Variants in GLYATL1 observed in about 807,000 individuals in gnomAD.
The protein encoded by GLYATL1 is glycine-N-acyltransferase like 1.
Under a neutral mutation model 20.0 loss-of-function variants are expected in GLYATL1, and 15 were observed. The ratio of observed to expected loss-of-function variants is 0.75; its 90% CI spans 0.50 to 1.15. The LOEUF is 1.15. Ranked by LOEUF, GLYATL1 falls within the 50% of genes most tolerant of loss-of-function variation. The pLI is 0.00. For synonymous variants in GLYATL1, 151 were observed against 131.5 expected (o/e 1.15, Z -1.01); for missense variants, 380 against 368.5 (o/e 1.03, Z -0.26).
intron 1 of GLYATL1, among the ~76,000 whole-genome samples, chr11:58,915,990 C>G (rs1162277108): frequency 6.6e-6 from 1 of 152,176 alleles, no homozygotes; most frequent in Non-Finnish European, 1.5e-5. Flanking sequence ...TCTGAATGAG[C>G]CAGATAATTT....
At chr11:58,935,768 A>T (rs1295999962), upstream of GLYATL1, 1 of 151,982 alleles carries the variant, frequency 6.6e-6, no homozygotes, top group African/African-American at 2.4e-5. Flanking sequence ...ATATACACAC[A>T]ATAATAATAA....
downstream of GLYATL1, among the ~76,000 whole-genome samples, chr11:58,912,192 G>A (rs1855061848): frequency 5.3e-5 from 8 of 152,164 alleles, no homozygotes; most frequent in Admixed American, 5.2e-4. Flanking sequence ...GGTAAATGAA[G>A]GTACAGCAGG....
At chr11:58,917,613 T>C (rs1406709115) in intron 1 of GLYATL1, among the ~76,000 whole-genome samples, 1 of 152,218 alleles carries the variant, frequency 6.6e-6, no homozygotes, top group Non-Finnish European at 1.5e-5. Flanking sequence ...TGGGCTTATC[T>C]CATAACTTTT....
intron 1 of GLYATL1, chr11:58,943,162 A>C: frequency 9.0e-7 from 1 of 1,109,586 alleles, no homozygotes; most frequent in Non-Finnish European, 1.2e-6. Flanking sequence ...TCTTCATTTG[A>C]GTCCTTGTGG....
intron 4 of GLYATL1, among the ~76,000 whole-genome samples, chr11:58,952,340 A>AT (rs1158987866): frequency 6.6e-6 from 1 of 152,098 alleles, no homozygotes; most frequent in Non-Finnish European, 1.5e-5. Context: ...TCATATTCAC[A>AT]TTTTTTGTAT....
chr11:58,931,033 TA>T (rs1017155054), intron 1 of GLYATL1, among the ~76,000 whole-genome samples: 15 of 152,290 alleles, frequency 9.8e-5, no homozygotes, highest in African/African-American at 3.4e-4. Context: ...GACAGACTAT[TA>T]GGGGTAATAA....
intron 4 of GLYATL1, among the ~76,000 whole-genome samples, chr11:58,950,789 T>C (rs1310240617): frequency 1.3e-5 from 2 of 152,194 alleles, no homozygotes; most frequent in African/African-American, 4.8e-5. Context: ...TATTGTGGAT[T>C]TAATTTGCAT....
At chr11:58,935,462 A>C (rs1855792009), upstream of GLYATL1, 2 of 152,176 alleles carry the variant, frequency 1.3e-5, no homozygotes, top group African/African-American at 4.8e-5. Context: ...CTCTTCAATT[A>C]ATCTTTTCTT....
intron 1 of GLYATL1, among the ~76,000 whole-genome samples, chr11:58,915,112 A>G (rs1187990328): frequency 6.6e-6 from 1 of 152,192 alleles, no homozygotes; most frequent in Non-Finnish European, 1.5e-5. Context: ...CTGACAGAAC[A>G]TGTTGCTCTA....
chr11:58,936,139 A>C (rs913171641), upstream of GLYATL1, among the ~76,000 whole-genome samples: 1 of 152,240 alleles, frequency 6.6e-6, no homozygotes, highest in African/African-American at 2.4e-5. Flanking sequence ...AAATTTTTTC[A>C]TAACATAATA....
chr11:58,942,014 G>A (rs1211544226), intron 1 of GLYATL1, among the ~76,000 whole-genome samples: 1 of 152,212 alleles, frequency 6.6e-6, no homozygotes, highest in Non-Finnish European at 1.5e-5. Context: ...TTTCATGAAT[G>A]CTGACAGATA....
In GLYATL1 at chr11:58,946,946, A is replaced by G. The variant is rs186555045; in HGVS notation, c.-42-100A>G. On this transcript the variant is annotated intron_variant, in intron 2 of 6. Transcript: ENST00000532726. ...TATTCAGAATGAATATGATACTAACAGTACCTACATCACGAGTGTTACTTG... is the reference window on the plus strand; with the variant it reads ...TATTCAGAATGAATATGATACTAACGGTACCTACATCACGAGTGTTACTTG... 33 of 839,864 alleles carry G rather than the reference A, an allele frequency of 3.9e-5. No individual in the cohort carries two copies. In the Admixed American group the frequency reaches 5.3e-4, roughly 13 times the overall value. 52.0% of individuals were successfully genotyped at this position (839,864 alleles called of 1,614,324 possible). A position where few individuals can be genotyped will look rare whatever the true frequency, so the allele number is the denominator to read the frequency against.
In GLYATL1 at chr11:58,955,905, T is replaced by G. The variant is rs151149940; in HGVS notation, c.787T>G (p.Tyr263Asp). 3.7e-6 allele frequency: 6 copies of G among 1,614,108 alleles called. No homozygotes were observed. The Admixed American group carries it at 1.0e-4, about 27-fold the overall frequency. ...TCTGCGTCAGAAGAATATTCCATTT[T>G]ACATCTCTGTGTTGGAAGAAAATGA... is the stretch of plus-strand genomic sequence containing the variant. ...KYLRQKNIPF[Y>D]ISVLEENEDS... Residue 263 changes from tyrosine to aspartate, a missense_variant, in exon 7 of 7, where the codon TAC becomes GAC. Transcript: ENST00000532726.
chr11:58,936,759 C>T (rs476776), upstream of GLYATL1, among the ~76,000 whole-genome samples: 4,882 of 152,252 alleles, frequency 0.032, 239 homozygotes, highest in African/African-American at 0.1. Context: ...CATCAGAGAG[C>T]TTTAAAATGT....
rs181741710 is a variant in GLYATL1 at position 58,950,286 on chromosome 11, C to T, written c.186+2321C>T. Among the ~76,000 whole-genome samples, 594 of 149,904 alleles carry T rather than the reference C, an allele frequency of 4.0e-3. 6 individuals are homozygous for T. The highest frequency in any genetic ancestry group is 0.017 in the Middle Eastern group (5 of 292). On this transcript the variant is annotated intron_variant, in intron 4 of 6. Transcript: ENST00000532726. ...AGCCTTGGGCGACGGAGCGAGACTC[C>T]GTCTAAAAAAAAAAAAACAAAAAAA...
At position 58,943,641 on chromosome 11, in the gene GLYATL1, T is replaced by G; in HGVS notation, c.-68T>G. 1 of 1,613,594 alleles carries G rather than the reference T, an allele frequency of 6.2e-7. No homozygotes were observed. Among genetic ancestry groups the G allele is most frequent in the Non-Finnish European group, 8.5e-7 (1 of 1,179,590 alleles). ...TGCAGGATCCAATTGTGTCCATTGA[T>G]CTCTCAGAGTGGCTGAGGATAATAG... On this transcript the variant is annotated 5_prime_UTR_variant, in exon 2 of 7. Transcript: ENST00000532726.
chr11:58,912,097 C>T (rs1345032840), downstream of GLYATL1, among the ~76,000 whole-genome samples: 3 of 152,106 alleles, frequency 2.0e-5, no homozygotes, highest in Non-Finnish European at 2.9e-5. Context: ...TTGAGTCTTC[C>T]AATCTTGAAC....
chr11:58,951,994 G>A (rs1039471883), intron 4 of GLYATL1, among the ~76,000 whole-genome samples: 8 of 151,910 alleles, frequency 5.3e-5, no homozygotes, highest in African/African-American at 1.9e-4. Context: ...TATTTGTATG[G>A]GTTTTTAGTT....
chr11:58,942,043 A>G (rs1856198484), intron 1 of GLYATL1, among the ~76,000 whole-genome samples: 1 of 152,228 alleles, frequency 6.6e-6, no homozygotes. Flanking sequence ...TTTCTGGGTC[A>G]AAGACAGAGT....
Sources: gnomAD v4.1 joint callset for allele counts (sites outside exome capture counted in the v4.1 genomes callset) on GRCh38, gnomAD v4.1.1 for gene constraint, MANE v1.5 for transcripts, NCBI Gene and HGNC (gene_info 2026-07-23, HGNC 2026-07-21) for gene names.